Variants in SNX27 observed in about 807,000 individuals in gnomAD.
SNX27 encodes sorting nexin-27.
Under a neutral mutation model 71.6 loss-of-function variants are expected in SNX27, and 22 were observed. That is an observed-to-expected ratio of 0.31 (90% CI 0.22 to 0.44). The LOEUF (loss-of-function observed/expected upper bound fraction) is 0.44, where lower values mean the gene tolerates loss of function less well. Ranked by LOEUF, SNX27 falls within the 20% of genes least tolerant of loss-of-function variation. The pLI, the probability that SNX27 is intolerant of heterozygous loss-of-function variation, is 1.00. For missense variants in SNX27, 531 were observed against 698.6 expected, an observed-to-expected ratio of 0.76 and a Z score of 2.70; for synonymous variants, 269 against 277.2, an observed-to-expected ratio of 0.97 and a Z score of 0.29.
intron 1 of SNX27, chr1:151,615,650 T>G: frequency 2.0e-6 from 2 of 976,750 alleles, no homozygotes; most frequent in South Asian, 9.5e-5. Flanking sequence ...GGATTATCAT[T>G]GTGTGGATAT....
Position 151,692,633 on chromosome 1 carries a change from A to AGGAC in SNX27, c.1389+49_1389+50insGGAC. On this transcript the variant is annotated intron_variant, in intron 9 of 11. Coordinates refer to ENST00000458013, the MANE Select transcript of SNX27 (RefSeq NM_001330723.2). ...GGCTGCGAGGACTGGAGATACTTTG[A>AGGAC]TGCTCACTTGCTTGTGACGTTTTAA... The AGGAC allele has an allele frequency of 3.2e-6, 5 of 1,586,060 alleles. No homozygotes were observed. In the African/African-American group the frequency reaches 6.8e-5, roughly 22 times the overall value.
intron 7 of SNX27, among the ~76,000 whole-genome samples, chr1:151,674,392 T>C (rs932487532): frequency 2.0e-5 from 3 of 152,228 alleles, no homozygotes; most frequent in Non-Finnish European, 2.9e-5. Flanking sequence ...TATTTATATA[T>C]ACCTTATTGT....
intron 2 of SNX27, among the ~76,000 whole-genome samples, chr1:151,651,954 C>T (rs57819503): frequency 0.023 from 3,512 of 152,146 alleles, 130 homozygotes; most frequent in African/African-American, 0.078. Flanking sequence ...AATCCCGGCA[C>T]CTGGGGAGGC....
intron 7 of SNX27, among the ~76,000 whole-genome samples, chr1:151,674,566 C>T (rs1310245685): frequency 6.6e-6 from 1 of 152,138 alleles, no homozygotes; most frequent in Admixed American, 6.5e-5. Flanking sequence ...CTCAGCCTCA[C>T]AAAGTGCTGG....
At chr1:151,652,081 C>T (rs1268300689) in intron 2 of SNX27, among the ~76,000 whole-genome samples, 3 of 152,086 alleles carry the variant, frequency 2.0e-5, no homozygotes, top group African/African-American at 4.8e-5. Flanking sequence ...ATCGCAGGCA[C>T]TCGGCAGGCT....
intron 1 of SNX27, among the ~76,000 whole-genome samples, chr1:151,621,785 A>G (rs150917302): frequency 8.5e-5 from 13 of 152,328 alleles, no homozygotes; most frequent in African/African-American, 3.1e-4. Flanking sequence ...TTAAATGAAT[A>G]TTTGGAGATC....
chr1:151,685,880 A>C (rs1255153647), intron 8 of SNX27, among the ~76,000 whole-genome samples: 2 of 152,246 alleles, frequency 1.3e-5, no homozygotes, highest in African/African-American at 2.4e-5. Context: ...AGAAAATGCA[A>C]AATCTTTTAA....
chr1:151,646,612 C>A (rs1277353698), intron 2 of SNX27, among the ~76,000 whole-genome samples: 1 of 147,644 alleles, frequency 6.8e-6, no homozygotes, highest in Non-Finnish European at 1.5e-5. Context: ...ATATATAGTA[C>A]ATATATATTA....
Position 151,697,269 on chromosome 1 carries a change from A to G in SNX27, c.*2852A>G, listed in dbSNP as rs969360644. ...CTTTGTTCAAACTGTAAAAATAGCAATTTGCCCCTACTCGCTCAGAGTGGG... is the reference window on the plus strand; with the variant it reads ...CTTTGTTCAAACTGTAAAAATAGCAGTTTGCCCCTACTCGCTCAGAGTGGG... On this transcript the variant is annotated 3_prime_UTR_variant, in exon 12 of 12. Coordinates refer to ENST00000458013, the MANE Select transcript of SNX27 (RefSeq NM_001330723.2). The G allele has an allele frequency of 5.9e-5, 9 of 152,174 alleles. No individual in the cohort carries two copies. The highest frequency in any genetic ancestry group is 1.9e-4 in the East Asian group (1 of 5,180). 9.4% of individuals were successfully genotyped at this position (152,174 alleles called of 1,614,324 possible).
chr1:151,626,982 C>T (rs1056389816), intron 1 of SNX27, among the ~76,000 whole-genome samples: 6 of 152,084 alleles, frequency 3.9e-5, no homozygotes, highest in African/African-American at 1.4e-4. Flanking sequence ...TCCCTGGTTC[C>T]TTTATTGGTT....
chr1:151,648,466 C>G (rs1258585381), intron 2 of SNX27, among the ~76,000 whole-genome samples: 1 of 152,094 alleles, frequency 6.6e-6, no homozygotes, highest in Non-Finnish European at 1.5e-5. Context: ...TTTGCCCAGG[C>G]TGGAGTGCAA....
chr1:151,657,799 G>C (rs1395184838), intron 2 of SNX27, among the ~76,000 whole-genome samples: 1 of 152,036 alleles, frequency 6.6e-6, no homozygotes, highest in South Asian at 2.1e-4. Flanking sequence ...TCAAGAGGTC[G>C]AGACCAGCCT....
At chr1:151,665,201 G>A (rs529927916) in intron 5 of SNX27, among the ~76,000 whole-genome samples, 4 of 152,212 alleles carry the variant, frequency 2.6e-5, no homozygotes, top group African/African-American at 9.6e-5. Context: ...TTTTGTTGTT[G>A]TTTGTATGTA....
Position 151,697,215 on chromosome 1 carries a change from T to G in SNX27, c.*2798T>G, listed in dbSNP as rs146871743. On this transcript the variant is annotated 3_prime_UTR_variant, in exon 12 of 12. Transcript: ENST00000458013. Reference sequence around the variant, plus strand: ...AAAAGAAGACATGTTGATTTCCCACTCCTAGATGCTAAAGAGACTTGGCAC... The same window carrying G: ...AAAAGAAGACATGTTGATTTCCCACGCCTAGATGCTAAAGAGACTTGGCAC... The G allele has an allele frequency of 1.9e-3, 290 of 151,132 alleles. No homozygotes were observed. Among genetic ancestry groups the G allele is most frequent in the African/African-American group, 6.7e-3 (278 of 41,582 alleles). The allele number at this position is 151,132 out of a possible 1,614,324, so 9.4% of individuals were successfully genotyped here. A position where few individuals can be genotyped will look rare whatever the true frequency, so the allele number is the denominator to read the frequency against.
At chr1:151,684,475 C>T (rs1406196708) in intron 8 of SNX27, among the ~76,000 whole-genome samples, 1 of 152,120 alleles carries the variant, frequency 6.6e-6, no homozygotes, top group Non-Finnish European at 1.5e-5. Flanking sequence ...CAATTTGTAT[C>T]TGCCATAGAT....
intron 8 of SNX27, among the ~76,000 whole-genome samples, chr1:151,687,865 G>A (rs1671252967): frequency 6.6e-6 from 1 of 151,382 alleles, no homozygotes; most frequent in African/African-American, 2.4e-5. Flanking sequence ...GGAGAATGGC[G>A]TGAACCCAGG....
At chr1:151,630,967 G>A (rs1183826453) in intron 1 of SNX27, among the ~76,000 whole-genome samples, 7 of 152,348 alleles carry the variant, frequency 4.6e-5, no homozygotes, top group African/African-American at 1.7e-4. Flanking sequence ...GGGAGGCGGA[G>A]CTGGCAGTGA....
intron 2 of SNX27, among the ~76,000 whole-genome samples, chr1:151,650,026 T>C (rs1669252347): frequency 6.6e-6 from 1 of 152,134 alleles, no homozygotes; most frequent in Non-Finnish European, 1.5e-5. Flanking sequence ...TAGCTGGGAC[T>C]ACAGGTGTGC....
chr1:151,641,721 A>C (rs1668761637), intron 2 of SNX27, among the ~76,000 whole-genome samples: 1 of 140,120 alleles, frequency 7.1e-6, no homozygotes, highest in Admixed American at 7.5e-5. Context: ...ATAGCATATG[A>C]TATATATCAG....
Sources: allele counts gnomAD v4.1 joint callset (sites outside exome capture counted in the v4.1 genomes callset), GRCh38; gene constraint gnomAD v4.1.1; transcripts MANE v1.5; gene names NCBI Gene and HGNC (gene_info 2026-07-23, HGNC 2026-07-21).